MBNL2: variants seen among roughly 807,000 people sequenced by gnomAD.
MBNL2 encodes the protein muscleblind-like protein 2.
A neutral mutation model predicts 41.9 loss-of-function variants in MBNL2; 17 were observed. That is an observed-to-expected ratio of 0.41 (90% CI 0.28 to 0.61). The LOEUF is 0.61. MBNL2 is among the 20% of genes least tolerant of loss of function. The probability of loss-of-function intolerance (pLI) is 0.35; values close to 1 mark genes in which losing one functional copy is unlikely to be tolerated. For synonymous variants in MBNL2, 195 were observed against 182.9 expected (o/e 1.07, Z -0.53); for missense variants, 336 against 505.6 (o/e 0.66, Z 3.22).
intron 7 of MBNL2, among the ~76,000 whole-genome samples, chr13:97,361,410 G>A (rs74106939): frequency 0.028 from 4,320 of 152,298 alleles, 219 homozygotes; most frequent in African/African-American, 0.1. Context: ...GCAGAGAGTA[G>A]AGGATGGGAG....
In MBNL2 at chr13:97,391,311, C is replaced by T. The variant is rs774678602; in HGVS notation, c.1049-11C>T. ...GGATACCTAAATCATGCTTGTCTTT[C>T]TCTTTAACAGATAATTCTGAAATAA... On this transcript the variant is annotated splice_polypyrimidine_tract_variant and intron_variant, in intron 8 of 8. Coordinates refer to ENST00000679496, the MANE Select transcript of MBNL2 (RefSeq NM_001382683.1). The T allele has an allele frequency of 6.8e-6, 8 of 1,179,110 alleles. No homozygotes were observed. The Admixed American group carries it at 1.0e-4, about 15-fold the overall frequency. 73.0% of individuals were successfully genotyped at this position (1,179,110 alleles called of 1,614,324 possible). A position where few individuals can be genotyped will look rare whatever the true frequency, so the allele number is the denominator to read the frequency against.
chr13:97,198,239 G>T, the MBNL2 span, among the ~76,000 whole-genome samples: 1 of 152,024 alleles, frequency 6.6e-6, no homozygotes, highest in Admixed American at 6.6e-5. Flanking sequence ...TCCTCCCCAA[G>T]TTAAAGAGAA....
the MBNL2 span, among the ~76,000 whole-genome samples, chr13:97,180,029 T>G: frequency 6.6e-6 from 1 of 152,206 alleles, no homozygotes; most frequent in Non-Finnish European, 1.5e-5. Flanking sequence ...GTACAGAGAA[T>G]GTATAAGGTA....
chr13:97,297,973 G>A (rs1017787178), intron 2 of MBNL2, among the ~76,000 whole-genome samples: 33 of 152,194 alleles, frequency 2.2e-4, no homozygotes, highest in Middle Eastern at 3.4e-3. Context: ...AATATTTCTC[G>A]AAAGGAGAGG....
chr13:97,245,369 C>A (rs1209620878), intron 1 of MBNL2, among the ~76,000 whole-genome samples: 1 of 152,130 alleles, frequency 6.6e-6, no homozygotes, highest in Non-Finnish European at 1.5e-5. Flanking sequence ...AAGGGAGGAA[C>A]AGATACTATT....
intron 1 of MBNL2, among the ~76,000 whole-genome samples, chr13:97,226,142 C>T (rs1329869856): frequency 2.6e-5 from 4 of 152,256 alleles, no homozygotes; most frequent in Admixed American, 6.5e-5. Flanking sequence ...TCCGACTGCA[C>T]GGCTCCAACT....
At chr13:97,167,056 C>T in the MBNL2 span, among the ~76,000 whole-genome samples, 308 of 152,126 alleles carry the variant, frequency 2.0e-3, 2 homozygotes, top group Non-Finnish European at 2.7e-3. Context: ...AGGGAAATGC[C>T]TTGAATATTA....
intron 1 of MBNL2, among the ~76,000 whole-genome samples, chr13:97,247,142 T>A (rs754877792): frequency 6.6e-6 from 1 of 152,224 alleles, no homozygotes; most frequent in Non-Finnish European, 1.5e-5. Context: ...AAATGCCAGC[T>A]GATAATATTA....
chr13:97,226,382 A>G (rs2041612244), intron 1 of MBNL2, among the ~76,000 whole-genome samples: 1 of 152,222 alleles, frequency 6.6e-6, no homozygotes, highest in African/African-American at 2.4e-5. Flanking sequence ...TATACTAGGT[A>G]GTATATTCCA....
the MBNL2 span, among the ~76,000 whole-genome samples, chr13:97,158,180 C>A: frequency 2.6e-5 from 4 of 151,790 alleles, no homozygotes; most frequent in African/African-American, 9.7e-5. Flanking sequence ...AGTTTATTTG[C>A]GTAGAGGTGT....
chr13:97,307,498 G>A (rs138741297), intron 2 of MBNL2, among the ~76,000 whole-genome samples: 2 of 152,046 alleles, frequency 1.3e-5, no homozygotes, highest in Admixed American at 6.5e-5. Context: ...TTTGGAAGCC[G>A]ACATACCGTT....
upstream of MBNL2, among the ~76,000 whole-genome samples, chr13:97,218,440 C>CAAAAACAA (rs1555302257): frequency 2.5e-5 from 3 of 117,966 alleles, no homozygotes; most frequent in African/African-American, 1.0e-4. Context: ...CAAAACAAAA[C>CAAAAACAA]AAAAAAAAAA....
At chr13:97,261,757 G>A (rs377646328) in intron 1 of MBNL2, among the ~76,000 whole-genome samples, 32 of 152,308 alleles carry the variant, frequency 2.1e-4, no homozygotes, top group African/African-American at 7.7e-4. Context: ...GACGATAAAG[G>A]CTGCAGGACT....
intron 2 of MBNL2, among the ~76,000 whole-genome samples, chr13:97,277,193 G>T (rs1034474730): frequency 3.3e-5 from 5 of 152,194 alleles, no homozygotes; most frequent in Admixed American, 2.0e-4. Context: ...TTAGGAGGAT[G>T]GAGAGAATTT....
the MBNL2 span, among the ~76,000 whole-genome samples, chr13:97,165,386 T>C: frequency 1.3e-5 from 2 of 152,184 alleles, no homozygotes; most frequent in East Asian, 3.8e-4. Context: ...AGTTAAACTC[T>C]ATTATCTAAA....
In MBNL2 at chr13:97,393,870, C is replaced by G. The variant is rs2066455864; in HGVS notation, c.*2421C>G. ...AAATACTGTAGTTAAGAGACTAACT[C>G]TCCACTTGTATGGGAACTACATTTC... On this transcript the variant is annotated 3_prime_UTR_variant, in exon 9 of 9. Coordinates refer to ENST00000679496, the MANE Select transcript of MBNL2 (RefSeq NM_001382683.1). 1 of 152,534 alleles carries G rather than the reference C, an allele frequency of 6.6e-6. No individual in the cohort carries two copies. Among genetic ancestry groups the G allele is most frequent in the African/African-American group, 2.4e-5 (1 of 41,446 alleles). 9.4% of individuals were successfully genotyped at this position (152,534 alleles called of 1,614,324 possible).
At chr13:97,342,626 C>A (rs919251355) in intron 3 of MBNL2, among the ~76,000 whole-genome samples, 22 of 152,168 alleles carry the variant, frequency 1.4e-4, no homozygotes, top group African/African-American at 5.3e-4. Context: ...TTTGTGACTC[C>A]TCTCCCTTTG....
chr13:97,244,745 T>C (rs1344802046), intron 1 of MBNL2, among the ~76,000 whole-genome samples: 1 of 152,214 alleles, frequency 6.6e-6, no homozygotes, highest in Non-Finnish European at 1.5e-5. Context: ...TGGGTACATC[T>C]TTACACTGCC....
chr13:97,340,575 T>A (rs1247559415), intron 3 of MBNL2, among the ~76,000 whole-genome samples: 3 of 152,196 alleles, frequency 2.0e-5, no homozygotes, highest in Non-Finnish European at 2.9e-5. Flanking sequence ...AGCGCCTTGT[T>A]CTGCCCAACC....
Sources: allele counts gnomAD v4.1 joint callset (sites outside exome capture counted in the v4.1 genomes callset), GRCh38; gene constraint gnomAD v4.1.1; transcripts MANE v1.5; gene names NCBI Gene and HGNC (gene_info 2026-07-23, HGNC 2026-07-21).